Variants in MEF2A observed in about 807,000 individuals in gnomAD.
The protein encoded by MEF2A is myocyte enhancer factor 2A.
Under a neutral mutation model 55.8 loss-of-function variants are expected in MEF2A, and 28 were observed. That is an observed-to-expected ratio of 0.50 (90% confidence interval 0.37 to 0.69). The LOEUF is 0.69. MEF2A is among the 30% of genes least tolerant of loss of function. The pLI, the probability that MEF2A is intolerant of heterozygous loss-of-function variation, is 0.00. For synonymous variants in MEF2A, 239 were observed against 227.1 expected, an observed-to-expected ratio of 1.05 and a Z score of -0.47; for missense variants, 528 against 626.2, an observed-to-expected ratio of 0.84 and a Z score of 1.67.
chr15:99,600,380 G>A (rs1283920504), intron 2 of MEF2A, among the ~76,000 whole-genome samples: 3 of 152,106 alleles, frequency 2.0e-5, no homozygotes, highest in African/African-American at 7.2e-5. Flanking sequence ...GTTTAGATTG[G>A]AAATGTCCTT....
At chr15:99,575,224 G>C (rs1225468940) in intron 1 of MEF2A, among the ~76,000 whole-genome samples, 2 of 152,120 alleles carry the variant, frequency 1.3e-5, no homozygotes, top group Non-Finnish European at 2.9e-5. Flanking sequence ...TTAATGTACA[G>C]TTCATGTTGA....
intron 1 of MEF2A, among the ~76,000 whole-genome samples, chr15:99,588,765 G>C (rs969483294): frequency 7.0e-6 from 1 of 142,892 alleles, no homozygotes; most frequent in Non-Finnish European, 1.5e-5. Context: ...TTTTGTTTTT[G>C]TTTTTTTTTT....
chr15:99,706,814 A>G lies in MEF2A; in HGVS notation c.968A>G (p.Gln323Arg). The change falls in exon 10 of 12, where the codon CAA (glutamine) becomes CGA (arginine). Residue 323 changes from glutamine (Q) to arginine (R), a missense_variant. Physicochemically the swap from Gln to Arg is conservative, Grantham distance 43. Around this residue, in one of 2 missense-constraint regions of MEF2A, gnomAD observed 450 missense variants for 475.3 expected, o/e 0.95. Coordinates refer to ENST00000557942, the MANE Select transcript of MEF2A (RefSeq NM_001319206.4). ...GTGACAACCCCAAGCTTGCCTCCGC[A>G]AGGACTTGTGTACTCAGCAATGCCG... ...VSVTTPSLPP[Q>R]GLVYSAMPTA... 3.1e-6 allele frequency: 5 copies of G among 1,614,010 alleles called. No homozygotes were observed. The highest frequency in any genetic ancestry group is 4.2e-6 in the Non-Finnish European group (5 of 1,179,884).
intron 2 of MEF2A, among the ~76,000 whole-genome samples, chr15:99,615,427 A>G (rs1567230998): frequency 6.6e-6 from 1 of 152,204 alleles, no homozygotes; most frequent in Non-Finnish European, 1.5e-5. Flanking sequence ...GCATTATTTT[A>G]CAGTTTTTAA....
intron 2 of MEF2A, among the ~76,000 whole-genome samples, chr15:99,602,119 A>G (rs1190339038): frequency 6.6e-6 from 1 of 152,170 alleles, no homozygotes; most frequent in Non-Finnish European, 1.5e-5. Context: ...GGCAAGTTTT[A>G]GAGCAGGAGT....
At chr15:99,619,346 A>G (rs1304337260) in intron 2 of MEF2A, among the ~76,000 whole-genome samples, 1 of 152,150 alleles carries the variant, frequency 6.6e-6, no homozygotes, top group Non-Finnish European at 1.5e-5. Flanking sequence ...CAGCGGTTGG[A>G]GTGCTGTTCT....
intron 2 of MEF2A, among the ~76,000 whole-genome samples, chr15:99,610,007 A>G (rs1335636694): frequency 1.3e-5 from 2 of 151,656 alleles, no homozygotes; most frequent in Non-Finnish European, 2.9e-5. Flanking sequence ...ACTTAGATCA[A>G]TTTTTTTTCA....
chr15:99,607,669 AGTT>A (rs761046649), intron 2 of MEF2A, among the ~76,000 whole-genome samples: 1 of 152,104 alleles, frequency 6.6e-6, no homozygotes, highest in Non-Finnish European at 1.5e-5. Context: ...TATGAGAGTG[AGTT>A]GTTGGTGGTA....
At chr15:99,673,533 G>A (rs192758534) in intron 5 of MEF2A, among the ~76,000 whole-genome samples, 19 of 152,160 alleles carry the variant, frequency 1.2e-4, no homozygotes, top group Admixed American at 6.5e-4. Flanking sequence ...TAAAATGAGG[G>A]CAGAGTAAAG....
Position 99,712,464 on chromosome 15 carries a change from C to T in MEF2A, c.1211C>T (p.Pro404Leu), listed in dbSNP as rs2058744685. The change falls in exon 12 of 12, where the codon CCG (proline) becomes CTG (leucine). Residue 404 changes from proline to leucine, a missense_variant. Pro to Leu is a moderately conservative substitution (Grantham distance 98, BLOSUM62 -3). Around this residue, in one of 2 missense-constraint regions of MEF2A, gnomAD observed 450 missense variants for 475.3 expected, o/e 0.95. Coordinates refer to ENST00000557942, the MANE Select transcript of MEF2A (RefSeq NM_001319206.4). The surrounding 1 kb of genome is among the most constrained non-coding windows in gnomAD (Gnocchi z 4.1). ...CAAAACATCAGCATCAAGTCCGAAC[C>T]GATTTCACCTCCTCGGGATCGTATG... is the stretch of plus-strand genomic sequence containing the variant. ...TNQNISIKSE[P>L]ISPPRDRMTP... 1 of 1,551,474 alleles carries T rather than the reference C, an allele frequency of 6.4e-7. No homozygotes were observed. The highest frequency in any genetic ancestry group is 1.4e-5 in the African/African-American group (1 of 72,968).
At chr15:99,581,957 G>A (rs1489555153) in intron 1 of MEF2A, among the ~76,000 whole-genome samples, 1 of 152,084 alleles carries the variant, frequency 6.6e-6, no homozygotes, top group African/African-American at 2.4e-5. Flanking sequence ...GTTGGACACA[G>A]TTTGGCTAGA....
At chr15:99,583,855 A>G (rs973691525) in intron 1 of MEF2A, among the ~76,000 whole-genome samples, 5 of 152,252 alleles carry the variant, frequency 3.3e-5, no homozygotes, top group Admixed American at 3.3e-4. Flanking sequence ...GAGTCACTTA[A>G]TGACAGGGAT....
chr15:99,626,109 A>G (rs1019909803), intron 2 of MEF2A, among the ~76,000 whole-genome samples: 6 of 152,118 alleles, frequency 3.9e-5, no homozygotes, highest in Non-Finnish European at 7.4e-5. Flanking sequence ...GAGGTTTTTA[A>G]TTACCAATTC....
At chr15:99,582,125 C>T (rs1301647534) in intron 1 of MEF2A, among the ~76,000 whole-genome samples, 7 of 152,100 alleles carry the variant, frequency 4.6e-5, no homozygotes, top group Non-Finnish European at 1.5e-5. Context: ...TGACCAAAGC[C>T]TTCTTTAATA....
At chr15:99,698,002 T>G (rs1294209148) in intron 8 of MEF2A, among the ~76,000 whole-genome samples, 2 of 152,190 alleles carry the variant, frequency 1.3e-5, no homozygotes, top group Admixed American at 1.3e-4. Flanking sequence ...ACGAATGGTG[T>G]TGAAACAATT....
chr15:99,655,709 G>A (rs1219029537), intron 4 of MEF2A, among the ~76,000 whole-genome samples: 1 of 152,014 alleles, frequency 6.6e-6, no homozygotes, highest in Non-Finnish European at 1.5e-5. Flanking sequence ...ATTAAAGTGG[G>A]GGGTTAGGCC....
chr15:99,614,028 T>G (rs1439147005), intron 2 of MEF2A, among the ~76,000 whole-genome samples: 1 of 152,158 alleles, frequency 6.6e-6, no homozygotes. Flanking sequence ...AGACATGATA[T>G]TAGGGCCAAA....
At chr15:99,690,464 A>C (rs1404571757) in intron 8 of MEF2A, 36 bp downstream of exon 8, 5 of 1,538,146 alleles carry the variant, frequency 3.3e-6, no homozygotes, top group Non-Finnish European at 4.4e-6. Flanking sequence ...ATTCTTTAAA[A>C]CACATATTTT....
chr15:99,590,582 C>T (rs1968924780), intron 1 of MEF2A, among the ~76,000 whole-genome samples: 1 of 150,400 alleles, frequency 6.6e-6, no homozygotes, highest in African/African-American at 2.4e-5. Flanking sequence ...CTTTTTATAC[C>T]TTTTTTGGAT....
Sources: allele counts gnomAD v4.1 joint callset (sites outside exome capture counted in the v4.1 genomes callset), GRCh38; gene constraint gnomAD v4.1.1; regional missense constraint gnomAD v4.1.1; non-coding constraint Gnocchi (gnomAD v3.1); transcripts MANE v1.5; gene names NCBI Gene and HGNC (gene_info 2026-07-23, HGNC 2026-07-21).